INSL6: variants seen among roughly 807,000 people sequenced by gnomAD.
INSL6 encodes the protein insulin like 6.
INSL6 carries 16 observed loss-of-function variants against 9.4 expected under a neutral mutation model. That is an observed-to-expected ratio of 1.70 (90% CI 1.15 to 2.59). The LOEUF (loss-of-function observed/expected upper bound fraction) is 2.59, where lower values mean the gene tolerates loss of function less well. Among genes scored for constraint, INSL6 ranks in the 30% most tolerant of loss-of-function variants. INSL6 has a pLI of 0.00. For synonymous variants in INSL6, 154 were observed against 96.9 expected (o/e 1.59, Z -3.46); for missense variants, 391 against 257.3 (o/e 1.52, Z -3.56).
At chr9:5,008,984 T>C in the INSL6 span, among the ~76,000 whole-genome samples, 1 of 152,212 alleles carries the variant, frequency 6.6e-6, no homozygotes, top group East Asian at 1.9e-4. Flanking sequence ...ATTATGAGTT[T>C]GATCCTTTGA....
intron 2 of INSL6, among the ~76,000 whole-genome samples, chr9:5,145,571 T>C (rs1824586491): frequency 6.6e-6 from 1 of 152,202 alleles, no homozygotes; most frequent in African/African-American, 2.4e-5. Flanking sequence ...GGTTCCACTC[T>C]TCCCAGCTCT....
chr9:5,138,142 A>G (rs951623131), intron 2 of INSL6, among the ~76,000 whole-genome samples: 8 of 152,160 alleles, frequency 5.3e-5, no homozygotes, highest in African/African-American at 1.7e-4. Context: ...TGGGAGTGTA[A>G]ATTAGTTCAA....
the INSL6 span, chr9:5,077,429 A>T: frequency 1.2e-6 from 1 of 867,182 alleles, no homozygotes; most frequent in South Asian, 3.1e-5. Flanking sequence ...AAGCCTTATT[A>T]TTATTACTTA....
Position 5,171,967 on chromosome 9 carries a change from A to G in INSL6, c.290-7702T>C, listed in dbSNP as rs543172957. Among the ~76,000 whole-genome samples, 3 of 152,350 alleles carry G rather than the reference A, an allele frequency of 2.0e-5. No individual in the cohort carries two copies. The South Asian group carries it at 6.2e-4, about 32-fold the overall frequency. The stretch of plus-strand genomic sequence containing the variant: ...TCTAACTACCATCGACATTCTTCAC[A>G]GAACTAGAAGAAACTATTTAAAAAG... On this transcript the variant is annotated intron_variant, in intron 1 of 1. Coordinates refer to ENST00000381641, the MANE Select transcript of INSL6 (RefSeq NM_007179.3).
At chr9:5,043,762 G>T in the INSL6 span, among the ~76,000 whole-genome samples, 1 of 152,176 alleles carries the variant, frequency 6.6e-6, no homozygotes, top group African/African-American at 2.4e-5. Context: ...TATTAATTTG[G>T]CAATAAAAGG....
chr9:5,043,387 C>G, the INSL6 span, among the ~76,000 whole-genome samples: 29 of 150,952 alleles, frequency 1.9e-4, no homozygotes, highest in Non-Finnish European at 4.1e-4. Context: ...AAATACAAAT[C>G]AAAACCACGA....
the INSL6 span, chr9:5,089,641 G>C: frequency 3.9e-4 from 445 of 1,153,014 alleles, 1 homozygote; most frequent in Non-Finnish European, 4.9e-4. Flanking sequence ...TTGAAAACTT[G>C]GTATTTCCAT....
In INSL6 at chr9:5,185,599, G is replaced by A. The variant is rs144566910; in HGVS notation, c.4C>T (p.Pro2Ser). 1.3e-3 allele frequency: 2,043 copies of A among 1,610,900 alleles called. 1 individual carries two copies. Among genetic ancestry groups the A allele is most frequent in the Non-Finnish European group, 1.6e-3 (1,829 of 1,179,292 alleles). Residue 2 changes from proline (P) to serine (S), a missense_variant, in exon 1 of 2, where the codon CCG becomes TCG. Pro to Ser is a moderately conservative substitution (Grantham distance 74). Coordinates refer to ENST00000381641, the MANE Select transcript of INSL6 (RefSeq NM_007179.3). M[P>S]RLLRLSLLWL... ...AGCAGGGACAAGCGGAGGAGCCGCG[G>A]CATCCCTGTGACCCCAGGCTAGTCC...
intron 1 of INSL6, among the ~76,000 whole-genome samples, chr9:5,177,040 A>G (rs1166483581): frequency 6.6e-6 from 1 of 152,200 alleles, no homozygotes; most frequent in African/African-American, 2.4e-5. Flanking sequence ...GACTTTGATT[A>G]GGATGACTTT....
the INSL6 span, among the ~76,000 whole-genome samples, chr9:5,024,592 GC>G: frequency 6.6e-6 from 1 of 152,042 alleles, no homozygotes; most frequent in Non-Finnish European, 1.5e-5. Context: ...ACATAGAAAT[GC>G]TTTTCAGTGC....
intron 2 of INSL6, among the ~76,000 whole-genome samples, chr9:5,152,234 T>C (rs955949329): frequency 3.9e-5 from 6 of 152,210 alleles, no homozygotes; most frequent in Non-Finnish European, 7.4e-5. Flanking sequence ...CAACTAACTT[T>C]ACCTAACATC....
chr9:5,102,643 G>C, the INSL6 span, among the ~76,000 whole-genome samples: 1 of 152,190 alleles, frequency 6.6e-6, no homozygotes. Context: ...CAGCCAGAGA[G>C]AAATGTCGGG....
the INSL6 span, among the ~76,000 whole-genome samples, chr9:5,058,939 C>G: frequency 1.1e-4 from 17 of 152,078 alleles, no homozygotes; most frequent in Admixed American, 2.0e-4. Context: ...AATCCCTTTT[C>G]AAATATATGA....
At chr9:5,127,893 A>T (rs1363297408) in intron 3 of INSL6, 1 of 232,406 alleles carries the variant, frequency 4.3e-6, no homozygotes, top group Non-Finnish European at 8.5e-6. Context: ...GAGGTAAATA[A>T]GTAAAAAAGT....
At chr9:5,124,337 GT>G (rs1823838254) in exon 4 of INSL6, among the ~76,000 whole-genome samples, 1 of 151,062 alleles carries the variant, frequency 6.6e-6, no homozygotes, top group Non-Finnish European at 1.5e-5. Context: ...TATTTTTCTA[GT>G]TTCAGATCTT....
the INSL6 span, chr9:5,041,873 C>T: frequency 4.6e-6 from 2 of 437,390 alleles, no homozygotes; most frequent in Admixed American, 2.9e-5. Flanking sequence ...TGGCCGGCCA[C>T]TCCAGCGCCC....
the INSL6 span, among the ~76,000 whole-genome samples, chr9:5,020,166 G>A: frequency 5.7e-3 from 868 of 152,236 alleles, 9 homozygotes; most frequent in African/African-American, 0.02. Flanking sequence ...TGCTTATGTC[G>A]GCAGTGACGG....
chr9:5,000,284 G>T, the INSL6 span, among the ~76,000 whole-genome samples: 1 of 151,924 alleles, frequency 6.6e-6, no homozygotes, highest in Non-Finnish European at 1.5e-5. Flanking sequence ...AGAGTTTTTG[G>T]TATAGAAATA....
chr9:5,167,969 G>A (rs1014483430), intron 1 of INSL6, among the ~76,000 whole-genome samples: 5 of 152,160 alleles, frequency 3.3e-5, no homozygotes, highest in Admixed American at 3.3e-4. Context: ...CCAGCAAACT[G>A]CAGCAACCCT....
Sources: allele counts gnomAD v4.1 joint callset (sites outside exome capture counted in the v4.1 genomes callset), GRCh38; gene constraint gnomAD v4.1.1; transcripts MANE v1.5; gene names NCBI Gene and HGNC (gene_info 2026-07-23, HGNC 2026-07-21).